Variants in PCYT2 observed in about 807,000 individuals in gnomAD.
PCYT2 encodes the protein phosphate cytidylyltransferase 2, ethanolamine.
Under a neutral mutation model 50.0 loss-of-function variants are expected in PCYT2, and 33 were observed. That is an observed-to-expected ratio of 0.66 (90% CI 0.50 to 0.88). The LOEUF is 0.88. Among genes scored for constraint, PCYT2 ranks in the 40% least tolerant of loss-of-function variants. The pLI, the probability that PCYT2 is intolerant of heterozygous loss-of-function variation, is 0.00. For missense variants in PCYT2, 430 were observed against 519.7 expected (o/e 0.83, Z 1.68); for synonymous variants, 240 against 203.7 (o/e 1.18, Z -1.52).
chr17:81,909,538 G>A lies in PCYT2; in HGVS notation c.154C>T (p.Leu52Phe). 1 of 1,613,532 alleles carries A rather than the reference G, an allele frequency of 6.2e-7. No individual in the cohort carries two copies. The highest frequency in any genetic ancestry group is 8.5e-7 in the Non-Finnish European group (1 of 1,179,706). ...CCATCGGTGTGCACGCCTACGATGA[G>A]GTAGTCACCCATGGCCCGTGCCTGG... is the stretch of plus-strand genomic sequence containing the variant. ...LRQARAMGDYLIVGVHTDEEI... is the reference protein window; with the variant it reads ...LRQARAMGDYFIVGVHTDEEI... Residue 52 changes from leucine (L) to phenylalanine (F), a missense_variant, in exon 2 of 13, where the codon CTC (leucine) becomes TTC (phenylalanine). Transcript: ENST00000538936.
At chr17:81,909,373 G>A (rs942153024) in intron 2 of PCYT2, 141 bp downstream of exon 2, 7 of 1,445,394 alleles carry the variant, frequency 4.8e-6, no homozygotes, top group South Asian at 2.7e-5. Context: ...CTCAGCTGGG[G>A]CTGGGCTGGG....
Position 81,904,002 on chromosome 17 carries a change from C to T in PCYT2, c.*831G>A, listed in dbSNP as rs1359060943. The T allele has an allele frequency of 6.6e-6, 1 of 152,296 alleles. No individual in the cohort carries two copies. The highest frequency in any genetic ancestry group is 6.5e-5 in the Admixed American group (1 of 15,286). 9.4% of individuals were successfully genotyped at this position (152,296 alleles called of 1,614,324 possible). A position where few individuals can be genotyped will look rare whatever the true frequency, so the allele number is the denominator to read the frequency against. ...GTGGGAGACAGAGATCCCATGGCCC[C>T]TGGAGGGGCCAAGGGGCAAGGAGCC... On this transcript the variant is annotated 3_prime_UTR_variant, in exon 13 of 13. Transcript: ENST00000538936.
At position 81,905,707 on chromosome 17, in the gene PCYT2, G is replaced by C; in HGVS notation, c.866C>G (p.Pro289Arg). ...RYVSEVVIGA[P>R]YAVTAELLSH... ...TAGGAGCTCTGCTGTGACCGCGTAC[G>C]GGGCTCCAATCACCACTTCTGACAC... The change falls in exon 10 of 13, where the codon CCG (proline) becomes CGG (arginine). Residue 289 changes from proline to arginine, a missense_variant. Physicochemically the swap from Pro to Arg is moderately radical, Grantham distance 103. Around this residue, in one of 4 missense-constraint regions of PCYT2, gnomAD observed 248 missense variants for 300.2 expected, o/e 0.83. Coordinates refer to ENST00000538936, the MANE Select transcript of PCYT2 (RefSeq NM_002861.5). 6.2e-7 allele frequency: 1 copy of C among 1,613,590 alleles called. No individual in the cohort carries two copies. Among genetic ancestry groups the C allele is most frequent in the East Asian group, 2.2e-5 (1 of 44,880 alleles).
intron 5 of PCYT2, 82 bp from the exon 6 acceptor site, chr17:81,907,680 T>G: frequency 6.3e-7 from 1 of 1,595,492 alleles, no homozygotes; most frequent in East Asian, 2.2e-5. Flanking sequence ...TGGGGAGCAG[T>G]GGGCAGGAGG....
chr17:81,902,671 C>T lies in PCYT2; in HGVS notation c.*2162G>A, dbSNP rs1489954737. 6.2e-7 allele frequency: 1 copy of T among 1,608,024 alleles called. No homozygotes were observed. Among genetic ancestry groups the T allele is most frequent in the Non-Finnish European group, 8.5e-7 (1 of 1,178,632 alleles). Reference sequence around the variant, plus strand: ...AAACCTGCAGAGGTGCGAGCGGCTCCCCGACGGCCGCGGGACCTACCAGTG... The same window carrying T: ...AAACCTGCAGAGGTGCGAGCGGCTCTCCGACGGCCGCGGGACCTACCAGTG... On this transcript the variant is annotated 3_prime_UTR_variant, in exon 13 of 13. Coordinates refer to ENST00000538936, the MANE Select transcript of PCYT2 (RefSeq NM_002861.5).
At position 81,904,835 on chromosome 17, in the gene PCYT2, A is replaced by G. The variant is rs1004633224; in HGVS notation, c.1168T>C (p.Ter390GlnextTer30). The G allele has an allele frequency of 1.2e-6, 2 of 1,602,866 alleles. No homozygotes were observed. The highest frequency in any genetic ancestry group is 8.5e-7 in the Non-Finnish European group (1 of 1,172,648). The part of the protein sequence containing the change: ...QPLGERDGDF[*>Q] ...GGCCGGCCAGGGCCTCTGCCAGGTT[A>G]GAAGTCACCATCGCGCTCCCCCAGG... Residue 390 changes from the stop codon to glutamine (Q), a stop_lost, in exon 13 of 13, where the codon TAA (stop) becomes CAA (glutamine). Coordinates refer to ENST00000538936, the MANE Select transcript of PCYT2 (RefSeq NM_002861.5).
In PCYT2 at chr17:81,906,545, G is replaced by A. The variant is rs757086663; in HGVS notation, c.678C>T (p.His226=). The A allele has an allele frequency of 2.5e-6, 4 of 1,613,342 alleles. No individual in the cohort carries two copies. Among genetic ancestry groups the A allele is most frequent in the Admixed American group, 1.7e-5 (1 of 60,016 alleles). The change falls in exon 8 of 13, where the codon CAC becomes CAT. Residue 226 remains histidine, a splice_region_variant and synonymous_variant. Coordinates refer to ENST00000538936, the MANE Select transcript of PCYT2 (RefSeq NM_002861.5). ...TCTCCAGGAAGTCCACATGCCCGAT[G>A]TCTGCACCCAGGTTAAGAAGCAGTC... is the stretch of plus-strand genomic sequence containing the variant. The part of the protein sequence containing the change: ...IYVAGAFDLF[H]IGHVDFLEKV...
chr17:81,904,993 G>A (rs779170350), intron 12 of PCYT2, 49 bp from the exon 13 acceptor site: 21 of 1,588,804 alleles, frequency 1.3e-5, no homozygotes, highest in East Asian at 4.5e-5. Context: ...AGGCGGCTCC[G>A]AGGGGGAGGG....
In PCYT2 at chr17:81,902,935, G is replaced by A. The variant is rs2040020895; in HGVS notation, c.*1898C>T. ...GGGGTGCTGGAGGACTGGCAGCCAGGCCACGAGGGGAACGGGACCTGGAAA... is the reference window on the plus strand; with the variant it reads ...GGGGTGCTGGAGGACTGGCAGCCAGACCACGAGGGGAACGGGACCTGGAAA... On this transcript the variant is annotated 3_prime_UTR_variant, in exon 13 of 13. Coordinates refer to ENST00000538936, the MANE Select transcript of PCYT2 (RefSeq NM_002861.5). 1.8e-6 allele frequency: 1 copy of A among 547,726 alleles called. No homozygotes were observed. Among genetic ancestry groups the A allele is most frequent in the East Asian group, 3.4e-5 (1 of 29,358 alleles). 33.9% of individuals were successfully genotyped at this position (547,726 alleles called of 1,614,324 possible).
chr17:81,907,424 G>T, intron 6 of PCYT2, 130 bp downstream of exon 6: 1 of 1,216,730 alleles, frequency 8.2e-7, no homozygotes, highest in Non-Finnish European at 1.2e-6. Flanking sequence ...TCAGTGCCTG[G>T]TCAGTGCCAG....
intron 9 of PCYT2, 25 bp from the exon 10 acceptor site, chr17:81,905,760 G>C: frequency 6.2e-7 from 1 of 1,610,750 alleles, no homozygotes; most frequent in Non-Finnish European, 8.5e-7. Flanking sequence ...GGGGCAGAAA[G>C]ACTTGCTCGG....
At chr17:81,909,181 G>A (rs2143720784) in intron 2 of PCYT2, 144 bp from the exon 3 acceptor site, 1 of 1,462,008 alleles carries the variant, frequency 6.8e-7, no homozygotes, top group South Asian at 1.4e-5. Flanking sequence ...TAGCCCACTA[G>A]TGCTGGCCAA....
Position 81,911,258 on chromosome 17 carries a change from C to A in PCYT2, c.89+9G>T. 2.9e-6 allele frequency: 3 copies of A among 1,052,138 alleles called. No individual in the cohort carries two copies. Among genetic ancestry groups the A allele is most frequent in the Non-Finnish European group, 3.4e-6 (3 of 874,216 alleles). The allele number at this position is 1,052,138 out of a possible 1,614,324, so 65.2% of individuals were successfully genotyped here. The stretch of plus-strand genomic sequence containing the variant: ...GCGCCCCCGCGGCCCGCCCCGGCCC[C>A]GCGCTCACCAGCCATCGCACCACAC... On this transcript the variant is annotated intron_variant, in intron 1 of 12. Transcript: ENST00000538936.
At position 81,902,739 on chromosome 17, in the gene PCYT2, C is replaced by G; in HGVS notation, c.*2094G>C. On this transcript the variant is annotated 3_prime_UTR_variant, in exon 13 of 13. Coordinates refer to ENST00000538936, the MANE Select transcript of PCYT2 (RefSeq NM_002861.5). The stretch of plus-strand genomic sequence containing the variant: ...TGTCCCTGCGCGCAGCCGACTGCCT[C>G]GCCGCCTGAGCCCGGACCTCTCCTG... 6.2e-7 allele frequency: 1 copy of G among 1,606,646 alleles called. No homozygotes were observed. Among genetic ancestry groups the G allele is most frequent in the Non-Finnish European group, 8.5e-7 (1 of 1,177,868 alleles).
intron 7 of PCYT2, 101 bp from the exon 8 acceptor site, chr17:81,906,647 T>C: frequency 6.4e-7 from 1 of 1,573,522 alleles, no homozygotes; most frequent in African/African-American, 1.3e-5. Flanking sequence ...TGCTGACAGC[T>C]GCTCCCCTGC....
Position 81,906,484 on chromosome 17 carries a change from C to T in PCYT2, c.739G>A (p.Ala247Thr), listed in dbSNP as rs769048691. Residue 247 changes from alanine (A) to threonine (T), a missense_variant, in exon 8 of 13, where the codon GCG (alanine) becomes ACG (threonine). By Grantham distance (58) the Ala-to-Thr change is moderately conservative. Transcript: ENST00000538936. Reference protein sequence around the residue: ...HRLAERPYIIAGLHFDQEVNH... With the variant: ...HRLAERPYIITGLHFDQEVNH... ...GTGACCTGGTCAAAGTGTAAGCCCG[C>T]GATGATGTAGGGCCTCTCTGCCAGC... 1.7e-5 allele frequency: 27 copies of T among 1,613,316 alleles called. No individual in the cohort carries two copies. Among genetic ancestry groups the T allele is most frequent in the Non-Finnish European group, 2.0e-5 (24 of 1,179,900 alleles).
chr17:81,906,340 C>A (rs1222968086), intron 8 of PCYT2, 124 bp downstream of exon 8: 2 of 1,150,670 alleles, frequency 1.7e-6, no homozygotes, highest in Non-Finnish European at 2.5e-6. Context: ...GATCACCCCC[C>A]AGGGTCTCCT....
chr17:81,907,096 C>T, intron 6 of PCYT2, 198 bp from the exon 7 acceptor site: 2 of 1,113,076 alleles, frequency 1.8e-6, no homozygotes, highest in Non-Finnish European at 2.5e-6. Context: ...CCGCAGCAGA[C>T]ACCACTTCAG....
In PCYT2 at chr17:81,911,379, A is replaced by G; in HGVS notation, c.-24T>C. ...ATGGCCCCGCAGCGGCGGCGCGGAC[A>G]GCCTGGCAGCTCCCGGCGACTCCGA... On this transcript the variant is annotated 5_prime_UTR_variant, in exon 1 of 13. Transcript: ENST00000538936. The G allele has an allele frequency of 9.8e-7, 1 of 1,022,608 alleles. No homozygotes were observed. Among genetic ancestry groups the G allele is most frequent in the Non-Finnish European group, 1.2e-6 (1 of 856,508 alleles). 63.3% of individuals were successfully genotyped at this position (1,022,608 alleles called of 1,614,324 possible).
Sources: gnomAD v4.1 joint callset for allele counts on GRCh38, gnomAD v4.1.1 for gene constraint, gnomAD v4.1.1 regional missense constraint, MANE v1.5 for transcripts, NCBI Gene and HGNC (gene_info 2026-07-23, HGNC 2026-07-21) for gene names.